USP4: variants seen among roughly 807,000 people sequenced by gnomAD.
USP4 encodes the protein ubiquitin specific peptidase 4.
USP4 carries 72 observed loss-of-function variants against 118.2 expected under a neutral mutation model. The ratio of observed to expected loss-of-function variants is 0.61; its 90% CI spans 0.50 to 0.74. USP4 has a LOEUF of 0.74. Among genes scored for constraint, USP4 ranks in the 30% least tolerant of loss-of-function variants. USP4 has a pLI of 0.00. For missense variants in USP4, 1,037 were observed against 1,185.7 expected (o/e 0.87, Z 1.84); for synonymous variants, 415 against 440.4 (o/e 0.94, Z 0.72).
At chr3:49,338,973 C>T (rs183426373) in intron 1 of USP4, among the ~76,000 whole-genome samples, 407 of 152,132 alleles carry the variant, frequency 2.7e-3, no homozygotes, top group Admixed American at 5.2e-3. Context: ...TGGTGAAACC[C>T]GGTCTCTACT....
chr3:49,278,873 C>T lies in USP4; in HGVS notation c.2674G>A (p.Gly892Ser). Residue 892 changes from glycine to serine, a missense_variant, in exon 21 of 22, where the codon GGT (glycine) becomes AGT (serine). By Grantham distance (56) the Gly-to-Ser change is moderately conservative (BLOSUM62 0). This residue lies in a region of USP4 where 522 missense variants were observed against 592.6 expected (regional missense o/e 0.88). Transcript: ENST00000265560. ...CTATCATCAAAGTAATACCATTTAC[C>T]ATTCAGTTTGTTCTTCGCATATGCA... ...YTAYAKNKLN[G>S]KWYYFDDSNV... 6.2e-7 allele frequency: 1 copy of T among 1,612,570 alleles called. No homozygotes were observed. The highest frequency in any genetic ancestry group is 8.5e-7 in the Non-Finnish European group (1 of 1,179,368).
chr3:49,284,813 G>A, intron 17 of USP4, 36 bp downstream of exon 17: 1 of 1,594,832 alleles, frequency 6.3e-7, no homozygotes, highest in Non-Finnish European at 8.6e-7. Context: ...GCAGAAACCA[G>A]CAGACACCAC....
At position 49,325,211 on chromosome 3, in the gene USP4, T is replaced by C. The variant is rs117696436; in HGVS notation, c.488-172A>G. On this transcript the variant is annotated intron_variant, in intron 4 of 21. Coordinates refer to ENST00000265560, the MANE Select transcript of USP4 (RefSeq NM_003363.4). ...TCCCATGGGTGGCCTCTTGCACTCA[T>C]ATGCCTGGAAAGTATCCCTATGCTT... 1.2e-4 allele frequency among the ~76,000 whole-genome samples: 18 copies of C among 152,272 alleles called. No individual in the cohort carries two copies. The East Asian group carries it at 2.5e-3, about 21-fold the overall frequency.
At position 49,324,878 on chromosome 3, in the gene USP4, G is replaced by A; in HGVS notation, c.633+16C>T. 2 of 1,614,028 alleles carry A rather than the reference G, an allele frequency of 1.2e-6. No individual in the cohort carries two copies. The highest frequency in any genetic ancestry group is 1.7e-6 in the Non-Finnish European group (2 of 1,179,946). On this transcript the variant is annotated intron_variant, in intron 5 of 21. Coordinates refer to ENST00000265560, the MANE Select transcript of USP4 (RefSeq NM_003363.4). ...GGGCAGAGCTACCTGCTGGGGAATG[G>A]CCAGGGCCCTCCTACCTGACCCTGG...
At chr3:49,282,036 A>AAC (rs1553622762) in intron 19 of USP4, among the ~76,000 whole-genome samples, 1 of 151,822 alleles carries the variant, frequency 6.6e-6, no homozygotes. Context: ...AAAACAAAAA[A>AAC]AACAACAACA....
intron 17 of USP4, 94 bp downstream of exon 17, chr3:49,284,755 G>A (rs1207165625): frequency 2.3e-6 from 3 of 1,309,094 alleles, no homozygotes. Context: ...AATATAACTT[G>A]CTAAATTGCT....
chr3:49,294,590 A>C lies in USP4; in HGVS notation c.1700T>G (p.Val567Gly). The C allele has an allele frequency of 6.2e-7, 1 of 1,613,342 alleles. No homozygotes were observed. The highest frequency in any genetic ancestry group is 8.5e-7 in the Non-Finnish European group (1 of 1,179,542). ...CGAGCCATCCACGGAAGTGCTGCAG[A>C]CCTCGTACCTGCGTCAATCACACAA... is the stretch of plus-strand genomic sequence containing the variant. Reference protein sequence around the residue: ...MPRDDIFVYEVCSTSVDGSEC... With the variant: ...MPRDDIFVYEGCSTSVDGSEC... The change falls in exon 14 of 22, where the codon GTC (valine) becomes GGC (glycine). Residue 567 changes from valine (V) to glycine (G), a missense_variant. Physicochemically the swap from Val to Gly is moderately radical, Grantham distance 109. Transcript: ENST00000265560.
intron 1 of USP4, among the ~76,000 whole-genome samples, chr3:49,337,514 C>CA (rs1575625901): frequency 6.6e-6 from 1 of 152,144 alleles, no homozygotes; most frequent in African/African-American, 2.4e-5. Context: ...TCTGTAGCCT[C>CA]AAACTCCTGG....
chr3:49,281,299 T>C (rs1241987668), intron 19 of USP4, among the ~76,000 whole-genome samples: 1 of 150,708 alleles, frequency 6.6e-6, no homozygotes, highest in East Asian at 2.0e-4. Context: ...TACTAAAAAA[T>C]ACAAAAATTA....
chr3:49,288,013 T>G (rs2107769268), intron 15 of USP4, among the ~76,000 whole-genome samples: 1 of 152,140 alleles, frequency 6.6e-6, no homozygotes, highest in South Asian at 2.1e-4. Context: ...AAGAGCAGAT[T>G]TAAAACAAAG....
At chr3:49,298,428 C>A in intron 12 of USP4, 124 bp downstream of exon 12, 1 of 870,374 alleles carries the variant, frequency 1.1e-6, no homozygotes, top group Non-Finnish European at 1.9e-6. Context: ...CAGACACACA[C>A]AAATAATCAC....
chr3:49,290,795 A>G (rs7639180), intron 15 of USP4, among the ~76,000 whole-genome samples: 3 of 151,556 alleles, frequency 2.0e-5, no homozygotes, highest in African/African-American at 7.3e-5. Context: ...GATTACAGGC[A>G]TGAGCCATCG....
chr3:49,278,886 C>A lies in USP4; in HGVS notation c.2661G>T (p.Lys887Asn). ...AATACCATTTACCATTCAGTTTGTT[C>A]TTCGCATATGCAGTGTCTGCCAAGT... ...MGVGHYTAYA[K>N]NKLNGKWYYF... Residue 887 changes from lysine to asparagine, a missense_variant, in exon 21 of 22, where the codon AAG (lysine) becomes AAT (asparagine). Around this residue, in one of 3 missense-constraint regions of USP4, gnomAD observed 522 missense variants for 592.6 expected, o/e 0.88. Coordinates refer to ENST00000265560, the MANE Select transcript of USP4 (RefSeq NM_003363.4). The A allele has an allele frequency of 6.2e-7, 1 of 1,611,914 alleles. No homozygotes were observed. The highest frequency in any genetic ancestry group is 1.1e-5 in the South Asian group (1 of 90,650).
rs781714389 is a variant in USP4 at position 49,292,581 on chromosome 3, G to T, written c.1901C>A (p.Pro634His). ...CDRISRYVKQ[P>H]LPDEFGSSPL... ...TGAGCTGCCAAACTCATCAGGTAAAGGCTGTTTCACATAGCGGCTTCAAAA... is the reference window on the plus strand; with the variant it reads ...TGAGCTGCCAAACTCATCAGGTAAATGCTGTTTCACATAGCGGCTTCAAAA... Residue 634 changes from proline (P) to histidine (H), a missense_variant, in exon 15 of 22, where the codon CCT becomes CAT. Coordinates refer to ENST00000265560, the MANE Select transcript of USP4 (RefSeq NM_003363.4). The T allele has an allele frequency of 6.3e-7, 1 of 1,595,506 alleles. No homozygotes were observed. The highest frequency in any genetic ancestry group is 8.5e-7 in the Non-Finnish European group (1 of 1,171,212).
In USP4 at chr3:49,277,197, T is replaced by A. The variant is rs2046972112; in HGVS notation, c.*1096A>T. 1.5e-6 allele frequency: 2 copies of A among 1,352,048 alleles called. No homozygotes were observed. The highest frequency in any genetic ancestry group is 8.4e-5 in the East Asian group (2 of 23,862). The allele number at this position is 1,352,048 out of a possible 1,614,324, so 83.8% of individuals were successfully genotyped here. On this transcript the variant is annotated 3_prime_UTR_variant, in exon 22 of 22. Transcript: ENST00000265560. ...GTCCTTGTCCTCACCCGCAGCGCAG[T>A]GACGCCGACCCATCCAACGGTCATC...
chr3:49,333,267 A>C (rs960689949), intron 2 of USP4, among the ~76,000 whole-genome samples: 5 of 151,522 alleles, frequency 3.3e-5, no homozygotes, highest in Non-Finnish European at 5.9e-5. Flanking sequence ...CCCAGGCAAC[A>C]TGACAAAACT....
rs34296887 is a variant in USP4 at position 49,295,288 on chromosome 3, C to CAAAAAAAAAAAAAAAAAAAAAA, written c.1692-712_1692-691dup. 5.9e-4 allele frequency among the ~76,000 whole-genome samples: 7 copies of CAAAAAAAAAAAAAAAAAAAAAA among 11,944 alleles called. 1 individual carries two copies. Among genetic ancestry groups the CAAAAAAAAAAAAAAAAAAAAAA allele is most frequent in the Admixed American group, 9.9e-4 (1 of 1,010 alleles). 7.8% of individuals were successfully genotyped at this position (11,944 alleles called of 152,430 possible). A position where few individuals can be genotyped will look rare whatever the true frequency, so the allele number is the denominator to read the frequency against. On this transcript the variant is annotated intron_variant, in intron 13 of 21. Transcript: ENST00000265560. Reference sequence around the variant, plus strand: ...TGGGCAACAGAGCGAGACTCCATCTCAAAAAAAAAAAAAAAAAAAAAAAAA... The same window carrying CAAAAAAAAAAAAAAAAAAAAAA: ...TGGGCAACAGAGCGAGACTCCATCTCAAAAAAAAAAAAAAAAAAAAAAAAAAAAAAAAAAAAAAAAAAAAAAA...
chr3:49,317,237 T>A (rs746099746), intron 6 of USP4: 11 of 1,538,168 alleles, frequency 7.2e-6, no homozygotes, highest in Non-Finnish European at 9.9e-6. Context: ...TAGAACTTAC[T>A]GCAAGAGGCA....
intron 9 of USP4, among the ~76,000 whole-genome samples, chr3:49,304,618 G>C (rs970922639): frequency 2.6e-5 from 4 of 152,068 alleles, no homozygotes; most frequent in African/African-American, 9.7e-5. Context: ...TTTAGAGACA[G>C]GGTCTCTGTC....
Sources: gnomAD v4.1 joint callset for allele counts (sites outside exome capture counted in the v4.1 genomes callset) on GRCh38, gnomAD v4.1.1 for gene constraint, gnomAD v4.1.1 regional missense constraint, MANE v1.5 for transcripts, NCBI Gene and HGNC (gene_info 2026-07-23, HGNC 2026-07-21) for gene names.